DIAPH2: variants seen among roughly 807,000 people sequenced by gnomAD.
DIAPH2 encodes diaphanous related formin 2.
DIAPH2 carries 35 observed loss-of-function variants against 92.7 expected under a neutral mutation model. The observed-to-expected ratio is 0.38, with a 90% CI of 0.29 to 0.50. The LOEUF (loss-of-function observed/expected upper bound fraction) is 0.50. Among genes scored for constraint, DIAPH2 ranks in the 20% least tolerant of loss-of-function variants. DIAPH2 has a pLI of 0.94. For missense variants in DIAPH2, 701 were observed against 819.5 expected (o/e 0.86, Z 1.77); for synonymous variants, 301 against 280.4 (o/e 1.07, Z -0.73).
intron 23 of DIAPH2, among the ~76,000 whole-genome samples, chrX:97,327,025 G>A (rs1158517933): frequency 8.9e-6 from 1 of 112,360 alleles, no homozygotes; most frequent in Non-Finnish European, 1.9e-5. Flanking sequence ...TTGTATCCCT[G>A]CATTCTAAAA....
intron 26 of DIAPH2, among the ~76,000 whole-genome samples, chrX:97,473,041 A>G (rs2070575718): frequency 8.9e-6 from 1 of 112,257 alleles, no homozygotes; most frequent in Admixed American, 9.5e-5. Context: ...GTCCTGTTCT[A>G]ACTATTCCAG....
At chrX:96,787,053 G>A (rs1045559008) in intron 4 of DIAPH2, among the ~76,000 whole-genome samples, 1 of 111,308 alleles carries the variant, frequency 9.0e-6, no homozygotes, top group Non-Finnish European at 1.9e-5. Flanking sequence ...CATTTTTTCC[G>A]TGATTACCAC....
intron 25 of DIAPH2, among the ~76,000 whole-genome samples, chrX:97,391,753 T>A (rs186436025): frequency 9.0e-6 from 1 of 111,231 alleles, no homozygotes; most frequent in African/African-American, 3.3e-5. Flanking sequence ...TGCAAAATTA[T>A]ATACATTCAT....
chrX:96,875,946 C>T (rs1198505334), intron 4 of DIAPH2, among the ~76,000 whole-genome samples: 1 of 110,714 alleles, frequency 9.0e-6, no homozygotes, highest in African/African-American at 3.3e-5. Flanking sequence ...TTCTGCACCG[C>T]AAAAGAAACT....
At chrX:97,570,100 ATATATATATATATATATATATATT>A (rs2071356136) in intron 26 of DIAPH2, among the ~76,000 whole-genome samples, 3 of 31,113 alleles carry the variant, frequency 9.6e-5, no homozygotes, top group Non-Finnish European at 1.8e-4. Flanking sequence ...ATATATATAT[ATATATATATATATATATATATATT>A]AGAAGATAGA....
At chrX:96,741,396 A>G (rs1218576224) in intron 3 of DIAPH2, among the ~76,000 whole-genome samples, 1 of 108,357 alleles carries the variant, frequency 9.2e-6, no homozygotes, top group Non-Finnish European at 1.9e-5. Flanking sequence ...CCACCATTCT[A>G]TCAAAACTGC....
At chrX:97,210,655 T>C (rs1399970795) in intron 22 of DIAPH2, among the ~76,000 whole-genome samples, 1 of 111,187 alleles carries the variant, frequency 9.0e-6, no homozygotes, top group Non-Finnish European at 1.9e-5. Context: ...AAGAAACCAG[T>C]TCTGGGCCAT....
At chrX:97,588,436 G>A (rs1314646672) in intron 26 of DIAPH2, among the ~76,000 whole-genome samples, 3 of 110,225 alleles carry the variant, frequency 2.7e-5, no homozygotes, top group Admixed American at 9.7e-5. Context: ...CTAAACATCG[G>A]TCAGTACCTT....
intron 4 of DIAPH2, among the ~76,000 whole-genome samples, chrX:96,782,687 G>T (rs1457402785): frequency 9.0e-6 from 1 of 111,381 alleles, no homozygotes; most frequent in African/African-American, 3.3e-5. Context: ...GCCCTCCTCC[G>T]CCTCCCAAAG....
At chrX:97,054,356 T>C (rs990232798) in intron 17 of DIAPH2, among the ~76,000 whole-genome samples, 1 of 112,059 alleles carries the variant, frequency 8.9e-6, no homozygotes, top group Non-Finnish European at 1.9e-5. Flanking sequence ...GATATAACGA[T>C]GATCAAGATA....
At chrX:97,405,042 A>G (rs778612499) in intron 25 of DIAPH2, among the ~76,000 whole-genome samples, 6 of 112,208 alleles carry the variant, frequency 5.3e-5, no homozygotes, top group Admixed American at 9.5e-5. Flanking sequence ...TATTTATTCA[A>G]TTCTCAGTGA....
chrX:96,997,498 G>A (rs962551282), intron 17 of DIAPH2, among the ~76,000 whole-genome samples: 3 of 111,248 alleles, frequency 2.7e-5, no homozygotes, highest in African/African-American at 9.8e-5. Context: ...TTAGCAAATT[G>A]ATGCATATCC....
At position 96,916,430 on chromosome X, in the gene DIAPH2, T is replaced by C; in HGVS notation, c.733-8T>C. On this transcript the variant is annotated splice_region_variant and splice_polypyrimidine_tract_variant and intron_variant, in intron 7 of 26. Coordinates refer to ENST00000324765, the MANE Select transcript of DIAPH2 (RefSeq NM_006729.5). ...TTCTGAATGAAGGTTTTTTTTTTTT[T>C]TTTTTAGTTTGGATTACAAAGGATT... 9.0e-7 allele frequency: 1 copy of C among 1,107,183 alleles called. No individual in the cohort carries two copies. The allele number at this position is 1,107,183 out of a possible 1,213,427, so 91.2% of individuals were successfully genotyped here. A position where few individuals can be genotyped will look rare whatever the true frequency, so the allele number is the denominator to read the frequency against.
intron 26 of DIAPH2, among the ~76,000 whole-genome samples, chrX:97,495,335 A>G (rs1406808164): frequency 8.9e-6 from 1 of 112,140 alleles, no homozygotes; most frequent in Non-Finnish European, 1.9e-5. Context: ...CTATTTCACC[A>G]TTTTGATGAT....
At chrX:96,805,000 A>G in intron 4 of DIAPH2, among the ~76,000 whole-genome samples, 1 of 111,145 alleles carries the variant, frequency 9.0e-6, no homozygotes, top group South Asian at 3.9e-4. Context: ...AATATTCTCT[A>G]ACATGCAAAC....
chrX:97,278,213 A>G (rs1277677306), intron 23 of DIAPH2, among the ~76,000 whole-genome samples: 1 of 112,402 alleles, frequency 8.9e-6, no homozygotes, highest in Admixed American at 9.4e-5. Flanking sequence ...TTACATTTAC[A>G]GAAAACATGA....
rs1157552270 is a variant in DIAPH2, at chrX:96,785,475, CTT to C, written c.447+27238_447+27239del. ...AGAGACAAAAGGTGGCCAAACTTGC[CTT>C]TTTTTTTTTTTTTTTTTTTTGGAGA... On this transcript the variant is annotated intron_variant, in intron 4 of 26. Transcript: ENST00000324765. Among the ~76,000 whole-genome samples, 153 of 57,164 alleles carry C rather than the reference CTT, an allele frequency of 2.7e-3. 1 individual carries two copies. The highest frequency in any genetic ancestry group is 9.6e-3 in the African/African-American group (140 of 14,516). 49.6% of individuals were successfully genotyped at this position (57,164 alleles called of 115,157 possible).
At chrX:97,407,077 C>G (rs1012105238) in intron 25 of DIAPH2, among the ~76,000 whole-genome samples, 1 of 111,117 alleles carries the variant, frequency 9.0e-6, no homozygotes, top group Non-Finnish European at 1.9e-5. Flanking sequence ...GCAGTTTCTC[C>G]CTTTATGACA....
chrX:96,712,077 T>A (rs951384637), intron 1 of DIAPH2, among the ~76,000 whole-genome samples: 1 of 111,600 alleles, frequency 9.0e-6, no homozygotes, highest in Non-Finnish European at 1.9e-5. Flanking sequence ...GGTTCTAATC[T>A]TAACTCCTCT....
Sources: gnomAD v4.1 joint callset for allele counts (sites outside exome capture counted in the v4.1 genomes callset) on GRCh38, gnomAD v4.1.1 for gene constraint, MANE v1.5 for transcripts, NCBI Gene and HGNC (gene_info 2026-07-23, HGNC 2026-07-21) for gene names.